The following COL5A2 variants were observed in gnomAD, a reference collection of about 807,000 sequenced individuals.
COL5A2 encodes the protein collagen alpha-2(V) chain.
Under a neutral mutation model 208.2 loss-of-function variants are expected in COL5A2, and 23 were observed. The observed-to-expected ratio is 0.11, with a 90% confidence interval of 0.08 to 0.16. The LOEUF is 0.16. Among genes scored for constraint, COL5A2 ranks in the 10% least tolerant of loss-of-function variants. The pLI is 1.00. For missense variants in COL5A2, 1,590 were observed against 1,956.4 expected (o/e 0.81, Z 3.53); for synonymous variants, 625 against 628.5 (o/e 0.99, Z 0.08).
chr2:189,043,839 A>T (rs1213734830), intron 47 of COL5A2, among the ~76,000 whole-genome samples: 10 of 152,214 alleles, frequency 6.6e-5, no homozygotes, highest in Non-Finnish European at 1.5e-4. Context: ...AAGTTATCCC[A>T]TATCTGCAAT....
At chr2:189,440,601 G>A in the COL5A2 span, among the ~76,000 whole-genome samples, 7 of 152,262 alleles carry the variant, frequency 4.6e-5, no homozygotes, top group Admixed American at 1.3e-4. Context: ...TAATTTTGTG[G>A]TAAATCCACA....
the COL5A2 span, among the ~76,000 whole-genome samples, chr2:189,307,905 T>A: frequency 6.6e-6 from 1 of 152,186 alleles, no homozygotes. Flanking sequence ...GCATTGTACC[T>A]AGGGTGTACA....
chr2:189,081,474 T>C (rs1049699095), intron 12 of COL5A2, among the ~76,000 whole-genome samples: 5 of 152,192 alleles, frequency 3.3e-5, no homozygotes, highest in African/African-American at 9.7e-5. Flanking sequence ...TTGTGCTTTA[T>C]TTATGGTACA....
chr2:189,287,982 G>T, the COL5A2 span, among the ~76,000 whole-genome samples: 16 of 152,006 alleles, frequency 1.1e-4, no homozygotes, highest in Admixed American at 1.0e-3. Flanking sequence ...TTCCAGAGTT[G>T]TGTATTACAT....
chr2:189,066,320 T>C (rs1411904458), intron 23 of COL5A2, 70 bp downstream of exon 23: 1 of 1,382,996 alleles, frequency 7.2e-7, no homozygotes. Context: ...CTAGTTTTCC[T>C]TACTGTTCTC....
chr2:189,359,215 A>C, the COL5A2 span, among the ~76,000 whole-genome samples: 1 of 152,230 alleles, frequency 6.6e-6, no homozygotes, highest in East Asian at 1.9e-4. Context: ...CTGTCATACA[A>C]ATATGGTCTT....
chr2:189,137,098 T>A (rs1687840957), intron 1 of COL5A2, among the ~76,000 whole-genome samples: 1 of 152,192 alleles, frequency 6.6e-6, no homozygotes, highest in Non-Finnish European at 1.5e-5. Flanking sequence ...AATGTTTTCT[T>A]CGTTCGTGTT....
intron 23 of COL5A2, 127 bp downstream of exon 23, chr2:189,066,263 C>T (rs941781427): frequency 2.3e-6 from 2 of 886,394 alleles, no homozygotes; most frequent in African/African-American, 1.6e-5. Context: ...TTGCACATAA[C>T]TGTACTGAAC....
In COL5A2 at chr2:189,052,894, T is replaced by TGACTCAAG. The variant is rs531102418; in HGVS notation, c.2661+16_2661+17insCTTGAGTC. ...GGGGCACTTGACTCAAGTTATGCCTTTTTCTTGTTAACTTACATGAGGGCC... is the reference window on the plus strand; with the variant it reads ...GGGGCACTTGACTCAAGTTATGCCTTGACTCAAGTTTCTTGTTAACTTACATGAGGGCC... On this transcript the variant is annotated intron_variant, in intron 39 of 53. Transcript: ENST00000374866. 60 of 1,613,500 alleles carry TGACTCAAG rather than the reference T, an allele frequency of 3.7e-5. No homozygotes were observed. The South Asian group carries it at 6.2e-4, about 17-fold the overall frequency.
intron 1 of COL5A2, among the ~76,000 whole-genome samples, chr2:189,123,091 A>T (rs1396062375): frequency 1.3e-5 from 2 of 152,062 alleles, no homozygotes; most frequent in African/African-American, 4.8e-5. Context: ...CAACCTCCCG[A>T]GTAGCTGGGA....
the COL5A2 span, among the ~76,000 whole-genome samples, chr2:189,325,818 C>G: frequency 6.6e-6 from 1 of 152,114 alleles, no homozygotes; most frequent in Admixed American, 6.5e-5. Flanking sequence ...GTTAGAAGGC[C>G]AGGCGCAGTG....
chr2:189,050,960 T>C (rs2105557654), intron 42 of COL5A2, among the ~76,000 whole-genome samples: 1 of 152,236 alleles, frequency 6.6e-6, no homozygotes, highest in South Asian at 2.1e-4. Context: ...TTTTCTTCTT[T>C]ATAAAAAGAC....
chr2:189,160,867 G>A (rs1445126973), intron 1 of COL5A2, among the ~76,000 whole-genome samples: 8 of 75,114 alleles, frequency 1.1e-4, no homozygotes, highest in African/African-American at 4.5e-4. Context: ...TTTCACTCTT[G>A]TTGCCCAGAC....
chr2:189,088,614 T>G (rs1165602153), intron 8 of COL5A2, 81 bp downstream of exon 8: 1 of 999,172 alleles, frequency 1.0e-6, no homozygotes, highest in Non-Finnish European at 1.6e-6. Context: ...TGTTATTCTT[T>G]GACTAGTTAA....
At chr2:189,238,463 T>G in the COL5A2 span, among the ~76,000 whole-genome samples, 1 of 152,182 alleles carries the variant, frequency 6.6e-6, no homozygotes, top group Admixed American at 6.6e-5. Flanking sequence ...ATTTGTTATG[T>G]ATCCCTAAGA....
chr2:189,364,248 T>C, the COL5A2 span, among the ~76,000 whole-genome samples: 275 of 152,354 alleles, frequency 1.8e-3, no homozygotes, highest in African/African-American at 6.2e-3. Context: ...GTATATCTGC[T>C]TGTGATACTA....
At chr2:189,314,399 A>C in the COL5A2 span, among the ~76,000 whole-genome samples, 1 of 152,218 alleles carries the variant, frequency 6.6e-6, no homozygotes, top group Non-Finnish European at 1.5e-5. Flanking sequence ...TAATGAAAAC[A>C]AAGATACAAC....
chr2:189,097,491 T>C (rs1187725828), intron 5 of COL5A2, 161 bp from the exon 6 acceptor site: 1 of 763,542 alleles, frequency 1.3e-6, no homozygotes, highest in Non-Finnish European at 2.2e-6. Flanking sequence ...ATAAAAGTTC[T>C]GTACGCTTAG....
intron 1 of COL5A2, among the ~76,000 whole-genome samples, chr2:189,194,102 G>A (rs945035773): frequency 6.6e-6 from 1 of 152,046 alleles, no homozygotes. Context: ...TTTCTAAAAC[G>A]GTAAATGCCA....
Sources: allele counts gnomAD v4.1 joint callset (sites outside exome capture counted in the v4.1 genomes callset), GRCh38; gene constraint gnomAD v4.1.1; transcripts MANE v1.5; gene names NCBI Gene and HGNC (gene_info 2026-07-23, HGNC 2026-07-21).